The following MCUB variants were observed in gnomAD, a reference collection of about 807,000 sequenced individuals.
MCUB encodes the protein mitochondrial calcium uniporter dominant negative subunit beta, also known as calcium uniporter regulatory subunit MCUb, mitochondrial.
MCUB carries 46 observed loss-of-function variants against 41.4 expected under a neutral mutation model. That is an observed-to-expected ratio of 1.11 (90% CI 0.88 to 1.42). MCUB has a LOEUF of 1.42. Among genes scored for constraint, MCUB ranks in the 40% most tolerant of loss-of-function variants. The probability of loss-of-function intolerance (pLI) is 0.00; values close to 1 mark genes in which losing one functional copy is unlikely to be tolerated. For missense variants in MCUB, 403 were observed against 404.9 expected, an observed-to-expected ratio of 1.00 and a Z score of 0.04; for synonymous variants, 148 against 148.2, an observed-to-expected ratio of 1.00 and a Z score of 0.01.
At chr4:109,664,421 A>AAT in intron 4 of MCUB, 27 bp downstream of exon 4, 6 of 745,438 alleles carry the variant, frequency 8.0e-6, no homozygotes, top group Non-Finnish European at 8.2e-6. Context: ...TCCAACTATT[A>AAT]CTTTTTTTTT....
chr4:109,580,125 C>G (rs993227142), intron 1 of MCUB, among the ~76,000 whole-genome samples: 2 of 152,038 alleles, frequency 1.3e-5, no homozygotes, highest in Non-Finnish European at 2.9e-5. Flanking sequence ...TGAGAACATG[C>G]GGTGTTTGGT....
chr4:109,660,720 G>C (rs1189151183), intron 3 of MCUB, among the ~76,000 whole-genome samples: 1 of 151,952 alleles, frequency 6.6e-6, no homozygotes, highest in Non-Finnish European at 1.5e-5. Context: ...GGAGGCTGAG[G>C]CAGGAGAATT....
intron 1 of MCUB, among the ~76,000 whole-genome samples, chr4:109,562,807 CTT>C (rs1726672783): frequency 6.6e-6 from 1 of 152,070 alleles, no homozygotes; most frequent in African/African-American, 2.4e-5. Flanking sequence ...CATTTAATAA[CTT>C]TGAAAAATAC....
chr4:109,645,751 C>T (rs1728821172), intron 1 of MCUB, among the ~76,000 whole-genome samples: 1 of 152,200 alleles, frequency 6.6e-6, no homozygotes, highest in African/African-American at 2.4e-5. Flanking sequence ...CATCTTCCCA[C>T]CATAAAATCT....
chr4:109,595,290 G>A (rs1370765704), intron 1 of MCUB, among the ~76,000 whole-genome samples: 1 of 152,256 alleles, frequency 6.6e-6, no homozygotes, highest in Non-Finnish European at 1.5e-5. Flanking sequence ...GAGTGAGGTA[G>A]TGCAGGGGAG....
At chr4:109,656,577 T>C in intron 1 of MCUB, among the ~76,000 whole-genome samples, 1 of 151,814 alleles carries the variant, frequency 6.6e-6, no homozygotes, top group East Asian at 1.9e-4. Flanking sequence ...GGTTTCACCA[T>C]GTTACCTGGG....
intron 1 of MCUB, among the ~76,000 whole-genome samples, chr4:109,562,970 G>A (rs555969329): frequency 3.9e-5 from 6 of 152,222 alleles, no homozygotes; most frequent in Non-Finnish European, 7.3e-5. Flanking sequence ...AGAGCATATT[G>A]TATTCATCTT....
chr4:109,662,287 A>G, intron 3 of MCUB, among the ~76,000 whole-genome samples: 1 of 152,020 alleles, frequency 6.6e-6, no homozygotes, highest in Non-Finnish European at 1.5e-5. Context: ...GAACACTGGA[A>G]TGTCCATGGG....
In MCUB at chr4:109,630,386, C is replaced by T. The variant is rs1728448792; in HGVS notation, c.100-28625C>T. On this transcript the variant is annotated intron_variant, in intron 1 of 7. Coordinates refer to ENST00000394650, the MANE Select transcript of MCUB (RefSeq NM_017918.5). ...CTGAGGAGAGAGGATCACTTGAGCC[C>T]AGGAGTTGGAGGCTGCAGTGAGCTA... 2.0e-5 allele frequency among the ~76,000 whole-genome samples: 3 copies of T among 152,062 alleles called. No homozygotes were observed. In the South Asian group the frequency reaches 6.2e-4, roughly 32 times the overall value.
intron 1 of MCUB, among the ~76,000 whole-genome samples, chr4:109,619,091 G>A (rs1728197427): frequency 6.7e-6 from 1 of 150,184 alleles, no homozygotes; most frequent in South Asian, 2.1e-4. Flanking sequence ...TATTGAGATG[G>A]AGTCTTGCTC....
intron 1 of MCUB, among the ~76,000 whole-genome samples, chr4:109,593,894 A>G (rs1727495745): frequency 6.6e-6 from 1 of 152,258 alleles, no homozygotes; most frequent in South Asian, 2.1e-4. Context: ...GTCAATGGGC[A>G]GAATTTAAGT....
At chr4:109,617,728 A>G (rs904217554) in intron 1 of MCUB, among the ~76,000 whole-genome samples, 3 of 152,170 alleles carry the variant, frequency 2.0e-5, no homozygotes, top group Non-Finnish European at 2.9e-5. Flanking sequence ...ATTGTTTTCA[A>G]TTTTTTGCTG....
At chr4:109,649,973 G>A (rs748251970) in intron 1 of MCUB, among the ~76,000 whole-genome samples, 27 of 152,154 alleles carry the variant, frequency 1.8e-4, no homozygotes, top group Middle Eastern at 3.2e-3. Flanking sequence ...GGTGTGGTAT[G>A]GAGGAGCAGC....
At chr4:109,597,753 CCGGACGGGG>C (rs1266787093) in intron 1 of MCUB, among the ~76,000 whole-genome samples, 2 of 144,516 alleles carry the variant, frequency 1.4e-5, no homozygotes, top group African/African-American at 2.9e-5. Flanking sequence ...CACCTCCCTC[CCGGACGGGG>C]TGGCTGCCGG....
At chr4:109,680,401 T>C (rs1475091185) in intron 4 of MCUB, among the ~76,000 whole-genome samples, 1 of 152,172 alleles carries the variant, frequency 6.6e-6, no homozygotes, top group Non-Finnish European at 1.5e-5. Flanking sequence ...ATTCTTTCTT[T>C]AAAACAGTCA....
intron 4 of MCUB, among the ~76,000 whole-genome samples, chr4:109,681,712 G>C (rs1330212227): frequency 6.6e-6 from 1 of 152,230 alleles, no homozygotes; most frequent in Non-Finnish European, 1.5e-5. Context: ...GATCTGGAGC[G>C]GCAAAGGGGT....
At chr4:109,561,290 C>A (rs1030025569) in intron 1 of MCUB, among the ~76,000 whole-genome samples, 4 of 152,210 alleles carry the variant, frequency 2.6e-5, no homozygotes, top group East Asian at 1.9e-4. Context: ...AGATTACTTT[C>A]AGATTGTTAA....
At chr4:109,577,970 C>G (rs953376794) in intron 1 of MCUB, among the ~76,000 whole-genome samples, 1 of 152,098 alleles carries the variant, frequency 6.6e-6, no homozygotes, top group Non-Finnish European at 1.5e-5. Flanking sequence ...CAAAAGTGAC[C>G]TAGCCACATC....
intron 1 of MCUB, among the ~76,000 whole-genome samples, chr4:109,642,398 G>A (rs1728739638): frequency 6.6e-6 from 1 of 152,302 alleles, no homozygotes. Flanking sequence ...TGAGATTATT[G>A]TCAGATATGG....
Sources: allele counts gnomAD v4.1 joint callset (sites outside exome capture counted in the v4.1 genomes callset), GRCh38; gene constraint gnomAD v4.1.1; transcripts MANE v1.5; gene names NCBI Gene and HGNC (gene_info 2026-07-23, HGNC 2026-07-21).